PSD3: variants seen among roughly 807,000 people sequenced by gnomAD.
PSD3 encodes PH and SEC7 domain-containing protein 3.
A neutral mutation model predicts 105.5 loss-of-function variants in PSD3; 49 were observed. The ratio of observed to expected loss-of-function variants is 0.46; its 90% confidence interval spans 0.37 to 0.59. The LOEUF (loss-of-function observed/expected upper bound fraction) is 0.59, where lower values mean the gene tolerates loss of function less well. Among genes scored for constraint, PSD3 ranks in the 20% least tolerant of loss-of-function variants. The pLI is 0.00. For synonymous variants in PSD3, 557 were observed against 457.8 expected (o/e 1.22, Z -2.77); for missense variants, 1,561 against 1,263.8 (o/e 1.24, Z -3.57).
chr8:18,583,136 T>G (rs1000963786), intron 12 of PSD3, among the ~76,000 whole-genome samples: 1 of 152,168 alleles, frequency 6.6e-6, no homozygotes, highest in African/African-American at 2.4e-5. Context: ...CAGATTGATC[T>G]TTTTAAAATA....
intron 9 of PSD3, among the ~76,000 whole-genome samples, chr8:18,679,519 A>G (rs1277521623): frequency 6.6e-6 from 1 of 152,242 alleles, no homozygotes; most frequent in African/African-American, 2.4e-5. Context: ...TACCTTTGTT[A>G]AATCTAGCTC....
At chr8:18,748,775 T>A (rs1805235325) in intron 9 of PSD3, among the ~76,000 whole-genome samples, 2 of 151,594 alleles carry the variant, frequency 1.3e-5, no homozygotes, top group Non-Finnish European at 2.9e-5. Flanking sequence ...GACCTCATCA[T>A]CTCTCCACAC....
chr8:18,761,496 G>C (rs1211068642), intron 9 of PSD3, among the ~76,000 whole-genome samples: 11 of 152,172 alleles, frequency 7.2e-5, no homozygotes, highest in Admixed American at 5.9e-4. Flanking sequence ...TGAGGATATT[G>C]AAATACACTA....
intron 9 of PSD3, among the ~76,000 whole-genome samples, chr8:18,750,234 C>T (rs1251045739): frequency 1.3e-5 from 2 of 152,292 alleles, no homozygotes; most frequent in East Asian, 3.9e-4. Flanking sequence ...AAGCCGCGGA[C>T]CCTCGCGGTG....
At chr8:18,932,664 T>A (rs1821823674) in intron 2 of PSD3, among the ~76,000 whole-genome samples, 2 of 152,312 alleles carry the variant, frequency 1.3e-5, no homozygotes, top group South Asian at 2.1e-4. Context: ...CCTCACCTAC[T>A]TATTTTTAAA....
At chr8:18,672,320 C>T (rs1799830931) in intron 9 of PSD3, among the ~76,000 whole-genome samples, 2 of 151,898 alleles carry the variant, frequency 1.3e-5, no homozygotes, top group South Asian at 4.2e-4. Flanking sequence ...GGGTAACAAG[C>T]ACAATCCTTT....
chr8:18,898,630 T>A (rs1028990680), intron 2 of PSD3, among the ~76,000 whole-genome samples: 2 of 152,170 alleles, frequency 1.3e-5, no homozygotes, highest in African/African-American at 4.8e-5. Context: ...ATAATATAAA[T>A]AGGGAATGGA....
chr8:18,571,630 G>T (rs140845563), intron 14 of PSD3, among the ~76,000 whole-genome samples: 2 of 152,312 alleles, frequency 1.3e-5, no homozygotes, highest in African/African-American at 4.8e-5. Context: ...GCCAAAAATA[G>T]TCTCTGATGT....
intron 6 of PSD3, among the ~76,000 whole-genome samples, chr8:18,801,947 A>T (rs1411114581): frequency 1.3e-5 from 2 of 152,156 alleles, no homozygotes; most frequent in Non-Finnish European, 2.9e-5. Flanking sequence ...CAAGTAGCCA[A>T]TTTTAAAAGG....
chr8:18,919,846 G>C (rs1820881976), intron 2 of PSD3, among the ~76,000 whole-genome samples: 1 of 119,214 alleles, frequency 8.4e-6, no homozygotes, highest in Non-Finnish European at 1.7e-5. Flanking sequence ...TCTGGGGACT[G>C]TGGTGGGGTG....
intron 1 of PSD3, among the ~76,000 whole-genome samples, chr8:18,950,480 A>G (rs1224669235): frequency 2.6e-5 from 4 of 152,194 alleles, no homozygotes; most frequent in Non-Finnish European, 5.9e-5. Flanking sequence ...AAAAGAAACA[A>G]CGTATTCCTC....
intron 4 of PSD3, among the ~76,000 whole-genome samples, chr8:18,814,325 C>T (rs1307837262): frequency 6.6e-6 from 1 of 152,164 alleles, no homozygotes; most frequent in Non-Finnish European, 1.5e-5. Context: ...AGAGGGCACC[C>T]ACATGCAAGG....
intron 1 of PSD3, among the ~76,000 whole-genome samples, chr8:19,072,954 G>A (rs1043407921): frequency 5.3e-5 from 8 of 152,176 alleles, no homozygotes; most frequent in African/African-American, 1.9e-4. Flanking sequence ...TATAAAGGAT[G>A]GGGAACCCTG....
At chr8:18,959,609 T>C (rs1263097226) in intron 1 of PSD3, among the ~76,000 whole-genome samples, 2 of 152,152 alleles carry the variant, frequency 1.3e-5, no homozygotes, top group Non-Finnish European at 2.9e-5. Context: ...CACCTTGCCT[T>C]TCTGCCCACA....
rs778048729 is a variant in PSD3 at position 18,872,027 on chromosome 8, C to A, written c.837G>T (p.Glu279Asp). 1 of 1,614,186 alleles carries A rather than the reference C, an allele frequency of 6.2e-7. No homozygotes were observed. The highest frequency in any genetic ancestry group is 2.2e-5 in the East Asian group (1 of 44,866). The change falls in exon 3 of 16, where the codon GAG becomes GAT. Residue 279 changes from glutamate to aspartate, a missense_variant. Transcript: ENST00000327040. The part of the protein sequence containing the change: ...LKEQRSALGR[E>D]HPGGCDRSSS... ...TGCTTCGATCACATCCCCCTGGGTG[C>A]TCTCTCCCAAGAGCAGACCTCTGCT...
intron 14 of PSD3, among the ~76,000 whole-genome samples, chr8:18,566,106 C>T (rs191491219): frequency 7.6e-4 from 116 of 152,162 alleles, no homozygotes; most frequent in Non-Finnish European, 1.1e-3. Context: ...TATAGATATC[C>T]CCAAGAGCCT....
intron 9 of PSD3, among the ~76,000 whole-genome samples, chr8:18,717,678 C>T (rs1481396431): frequency 2.0e-5 from 3 of 152,170 alleles, no homozygotes; most frequent in Non-Finnish European, 2.9e-5. Flanking sequence ...TGAAGGGTCA[C>T]ACTATAACCA....
chr8:19,054,102 C>A (rs2162428), intron 1 of PSD3, among the ~76,000 whole-genome samples: 86,604 of 152,042 alleles, frequency 0.57, 25,547 homozygotes, highest in Middle Eastern at 0.7. Context: ...TGAAACTCCC[C>A]TTCATGGGAT....
chr8:18,760,307 A>G (rs1806412955), intron 9 of PSD3, among the ~76,000 whole-genome samples: 1 of 152,154 alleles, frequency 6.6e-6, no homozygotes, highest in South Asian at 2.1e-4. Flanking sequence ...CAAACAAACA[A>G]TATGATGTTA....
Sources: gnomAD v4.1 joint callset for allele counts (sites outside exome capture counted in the v4.1 genomes callset) on GRCh38, gnomAD v4.1.1 for gene constraint, MANE v1.5 for transcripts, NCBI Gene and HGNC (gene_info 2026-07-23, HGNC 2026-07-21) for gene names.